Variants in SORBS3 observed in about 807,000 individuals in gnomAD.
SORBS3 encodes sorbin and SH3 domain containing 3.
A neutral mutation model predicts 98.0 loss-of-function variants in SORBS3; 69 were observed. The observed-to-expected ratio is 0.70, with a 90% CI of 0.58 to 0.86. The LOEUF is 0.86. SORBS3 is among the 40% of genes least tolerant of loss of function. The pLI is 0.00. For synonymous variants in SORBS3, 394 were observed against 355.4 expected, an observed-to-expected ratio of 1.11 and a Z score of -1.22; for missense variants, 954 against 908.5, an observed-to-expected ratio of 1.05 and a Z score of -0.64.
At position 22,569,088 on chromosome 8, in the gene SORBS3, C is replaced by G. The variant is rs556735005; in HGVS notation, c.1306-60C>G. 4.6e-6 allele frequency: 7 copies of G among 1,508,050 alleles called. No homozygotes were observed. The East Asian group carries it at 7.7e-5, about 17-fold the overall frequency. 93.4% of individuals were successfully genotyped at this position (1,508,050 alleles called of 1,614,324 possible). On this transcript the variant is annotated intron_variant, in intron 16 of 20. Transcript: ENST00000240123. ...TTCTCTTTGCTGTCTCACAGGAACC[C>G]CCAGCCTGTGCTATGTTGATGCCCA...
chr8:22,566,829 C>G lies in SORBS3; in HGVS notation c.1151C>G (p.Ala384Gly), dbSNP rs1840436993. The G allele has an allele frequency of 1.2e-6, 2 of 1,613,708 alleles. No individual in the cohort carries two copies. The highest frequency in any genetic ancestry group is 2.2e-5 in the East Asian group (1 of 44,844). ...GTCCTCTCCCCTGCCTAGAGAAAGG[C>G]CGCCAGGCTCAAGTTTGACTTCCAG... ...PARREEKKRK[A>G]ARLKFDFQAQ... The change falls in exon 15 of 21, where the codon GCC becomes GGC. Residue 384 changes from alanine to glycine, a missense_variant. Physicochemically the swap from Ala to Gly is moderately conservative, Grantham distance 60. Coordinates refer to ENST00000240123, the MANE Select transcript of SORBS3 (RefSeq NM_005775.5).
chr8:22,556,834 C>G lies in SORBS3; in HGVS notation c.340C>G (p.Arg114Gly), dbSNP rs770214557. ...CACGTGGACCAAGGACAGCAAGCGT[C>G]GGGACAAGCGCTGGGTCAAGTACGA... ...SATWTKDSKR[R>G]DKRWVKYEGI... Residue 114 changes from arginine to glycine, a missense_variant, in exon 4 of 21, where the codon CGG becomes GGG. Arg to Gly is a moderately radical substitution (Grantham distance 125). Coordinates refer to ENST00000240123, the MANE Select transcript of SORBS3 (RefSeq NM_005775.5). 2 of 1,613,608 alleles carry G rather than the reference C, an allele frequency of 1.2e-6. No individual in the cohort carries two copies. Among genetic ancestry groups the G allele is most frequent in the African/African-American group, 1.3e-5 (1 of 75,040 alleles).
intron 1 of SORBS3, among the ~76,000 whole-genome samples, chr8:22,546,120 C>T (rs1840013456): frequency 6.6e-6 from 1 of 151,938 alleles, no homozygotes; most frequent in Non-Finnish European, 1.5e-5. Context: ...TTAAAGAAGG[C>T]GAGGGAAATG....
In SORBS3 at chr8:22,552,312, C is replaced by T. The variant is rs1231435152; in HGVS notation, c.-56+290C>T. On this transcript the variant is annotated intron_variant, in intron 1 of 20. Coordinates refer to ENST00000240123, the MANE Select transcript of SORBS3 (RefSeq NM_005775.5). Reference sequence around the variant, plus strand: ...GCCCACCCCAGCAGAGCCGCCTCCCCTCTCCCGCTCCAGGGGCCTCTCCCC... The same window carrying T: ...GCCCACCCCAGCAGAGCCGCCTCCCTTCTCCCGCTCCAGGGGCCTCTCCCC... Among the ~76,000 whole-genome samples, 11 of 152,296 alleles carry T rather than the reference C, an allele frequency of 7.2e-5. No homozygotes were observed. The South Asian group carries it at 1.9e-3, about 26-fold the overall frequency.
At position 22,571,651 on chromosome 8, in the gene SORBS3, C is replaced by G. The variant is rs753647352; in HGVS notation, c.1744-67C>G. 18 of 1,267,452 alleles carry G rather than the reference C, an allele frequency of 1.4e-5. No homozygotes were observed. In the African/African-American group the frequency reaches 2.3e-4, roughly 17 times the overall value. The allele number at this position is 1,267,452 out of a possible 1,614,324, so 78.5% of individuals were successfully genotyped here. ...TGGGAACGCCCATTTTGGGCCTCCT[C>G]CCTCAGGCTTACATGTACCCATCGT... On this transcript the variant is annotated intron_variant, in intron 18 of 20. Transcript: ENST00000240123.
Position 22,554,841 on chromosome 8 carries a change from C to T in SORBS3, c.103-22C>T, listed in dbSNP as rs368233033. The T allele has an allele frequency of 6.3e-4, 1,007 of 1,594,694 alleles. 10 individuals are homozygous for T. In the South Asian group the frequency reaches 9.9e-3, roughly 16 times the overall value. On this transcript the variant is annotated intron_variant, in intron 2 of 20. Transcript: ENST00000240123. This position sits in a 1 kb window ranked among gnomAD's most constrained non-coding sequence, Gnocchi z 6.5. Reference sequence around the variant, plus strand: ...CCCGCCCTGCTGGGCCCTGAGCTGCCGCTCCTGGCCCCTCCCCGCAGGTGC... The same window carrying T: ...CCCGCCCTGCTGGGCCCTGAGCTGCTGCTCCTGGCCCCTCCCCGCAGGTGC...
At chr8:22,564,731 A>C in intron 10 of SORBS3, 1 of 1,419,434 alleles carries the variant, frequency 7.0e-7, no homozygotes, top group Non-Finnish European at 9.2e-7. Flanking sequence ...GTGTTGGCCA[A>C]AGCAGGAGCA....
At chr8:22,562,465 C>T (rs1419030303) in intron 7 of SORBS3, among the ~76,000 whole-genome samples, 1 of 152,178 alleles carries the variant, frequency 6.6e-6, no homozygotes, top group Non-Finnish European at 1.5e-5. Flanking sequence ...GGGGCCCTGG[C>T]GGGGTCAGCA....
At position 22,572,428 on chromosome 8, in the gene SORBS3, G is replaced by A; in HGVS notation, c.1936G>A (p.Asp646Asn). Residue 646 changes from aspartate (D) to asparagine (N), a missense_variant, in exon 20 of 21, where the codon GAC becomes AAC. Asp to Asn is a conservative substitution (Grantham distance 23). Transcript: ENST00000240123. ...GDRVDVMQQC[D>N]DGWFVGVSRR... ...CAGGGTGGATGTCATGCAGCAGTGT[G>A]ACGATGGCTGGTTTGTGGGTATGTG... 1 of 1,613,828 alleles carries A rather than the reference G, an allele frequency of 6.2e-7. No individual in the cohort carries two copies. The highest frequency in any genetic ancestry group is 1.1e-5 in the South Asian group (1 of 91,090).
At chr8:22,565,607 G>A in intron 11 of SORBS3, 3 of 851,594 alleles carry the variant, frequency 3.5e-6, no homozygotes, top group Non-Finnish European at 4.6e-6. Context: ...ACGACCGGGC[G>A]CCCGCCCCGT....
At chr8:22,552,547 A>C (rs1382516248) in intron 1 of SORBS3, among the ~76,000 whole-genome samples, 1 of 152,138 alleles carries the variant, frequency 6.6e-6, no homozygotes, top group African/African-American at 2.4e-5. Context: ...GGCAGGGTTG[A>C]GAAGGGGCAG....
chr8:22,567,715 G>A (rs1259895592), intron 16 of SORBS3, among the ~76,000 whole-genome samples: 2 of 152,168 alleles, frequency 1.3e-5, no homozygotes, highest in Non-Finnish European at 2.9e-5. Flanking sequence ...CAGATAAAGG[G>A]CGATAGGTTA....
chr8:22,554,217 GA>G lies in SORBS3; in HGVS notation c.-55-234del. ...GCTCCCCCTCCCCCACTCCCACCCG[GA>G]GCTCCTGCCCTGGGCCTAACAAGTG... On this transcript the variant is annotated intron_variant, in intron 1 of 20. Transcript: ENST00000240123. The surrounding 1 kb of genome is among the most constrained non-coding windows in gnomAD (Gnocchi z 6.5). 3.7e-6 allele frequency: 1 copy of G among 267,292 alleles called. No homozygotes were observed. 16.6% of individuals were successfully genotyped at this position (267,292 alleles called of 1,614,324 possible).
At chr8:22,548,040 G>C (rs1230574988), upstream of SORBS3, among the ~76,000 whole-genome samples, 1 of 152,076 alleles carries the variant, frequency 6.6e-6, no homozygotes, top group Non-Finnish European at 1.5e-5. Flanking sequence ...ATTCCTATGG[G>C]GTTCCATGCA....
intron 20 of SORBS3, chr8:22,573,338 A>C (rs1563844072): frequency 2.2e-6 from 1 of 456,222 alleles, no homozygotes; most frequent in South Asian, 1.5e-5. Flanking sequence ...TTGCAAACCT[A>C]TGCAGACAAG....
chr8:22,548,850 T>C (rs898638830), upstream of SORBS3, among the ~76,000 whole-genome samples: 2 of 152,196 alleles, frequency 1.3e-5, no homozygotes, highest in Admixed American at 6.5e-5. Context: ...ACTTCAGTGC[T>C]CTTTCCCCTC....
rs1840009977 is a variant in SORBS3, at chr8:22,545,818, A to T, written n.144+689A>T. The stretch of plus-strand genomic sequence containing the variant: ...GCATGTAATGAGGAGCAGGCCTGTC[A>T]TAGATCTTGATTTGGGGCAATAAAG... On this transcript the variant is annotated intron_variant and non_coding_transcript_variant, in intron 1 of 4. Coordinates refer to the SORBS3 transcript ENST00000522037. Among the ~76,000 whole-genome samples the T allele has an allele frequency of 2.6e-5, 4 of 152,270 alleles. No individual in the cohort carries two copies. In the South Asian group the frequency reaches 8.3e-4, roughly 31 times the overall value.
upstream of SORBS3, chr8:22,551,896 A>T: frequency 4.1e-6 from 4 of 984,938 alleles, no homozygotes; most frequent in South Asian, 1.9e-4. The surrounding 1 kb of genome is among the most constrained non-coding windows in gnomAD (Gnocchi z 5.8). Context: ...CCCGGTCACG[A>T]GGGCCGCGAC....
chr8:22,566,000 C>G (rs1207626737), intron 12 of SORBS3, 128 bp downstream of exon 12: 2 of 672,804 alleles, frequency 3.0e-6, no homozygotes, highest in Non-Finnish European at 4.2e-6. Flanking sequence ...ACCGCAGAGC[C>G]GTGTCCGGGA....
Sources: allele counts gnomAD v4.1 joint callset (sites outside exome capture counted in the v4.1 genomes callset), GRCh38; gene constraint gnomAD v4.1.1; non-coding constraint Gnocchi (gnomAD v3.1); transcripts MANE v1.5; gene names NCBI Gene and HGNC (gene_info 2026-07-23, HGNC 2026-07-21).